Variants in DNAJB1 observed in about 807,000 individuals in gnomAD.
DNAJB1 encodes DnaJ heat shock protein family (Hsp40) member B1.
DNAJB1 carries 14 observed loss-of-function variants against 24.0 expected under a neutral mutation model. The ratio of observed to expected loss-of-function variants is 0.58; its 90% CI spans 0.39 to 0.91. The LOEUF (loss-of-function observed/expected upper bound fraction) is 0.91. DNAJB1 is among the 40% of genes least tolerant of loss of function. The pLI, the probability that DNAJB1 is intolerant of heterozygous loss-of-function variation, is 0.00. For missense variants in DNAJB1, 517 were observed against 458.1 expected, an observed-to-expected ratio of 1.13 and a Z score of -1.17; for synonymous variants, 262 against 174.4, an observed-to-expected ratio of 1.50 and a Z score of -3.96.
chr19:14,519,021 C>G (rs2072331764), upstream of DNAJB1, among the ~76,000 whole-genome samples: 1 of 152,106 alleles, frequency 6.6e-6, no homozygotes, highest in Non-Finnish European at 1.5e-5. Flanking sequence ...TCTCTTGAGC[C>G]TAGGAGTTGG....
upstream of DNAJB1, among the ~76,000 whole-genome samples, chr19:14,520,222 T>G (rs1274304994): frequency 6.6e-6 from 1 of 152,130 alleles, no homozygotes; most frequent in Non-Finnish European, 1.5e-5. Flanking sequence ...TGACTAACCA[T>G]TTTCTTAGTG....
chr19:14,552,299 G>C (rs1256009440), upstream of DNAJB1, among the ~76,000 whole-genome samples: 2 of 150,844 alleles, frequency 1.3e-5, no homozygotes, highest in African/African-American at 4.9e-5. Flanking sequence ...CTCCCAAACT[G>C]CTGGGATTAT....
chr19:14,546,562 T>G (rs1157182255), intron 1 of DNAJB1, among the ~76,000 whole-genome samples: 3 of 152,198 alleles, frequency 2.0e-5, no homozygotes, highest in Non-Finnish European at 4.4e-5. Flanking sequence ...TTCTTTTTAT[T>G]TATTTATTAC....
rs74852236 is a variant in DNAJB1, at chr19:14,545,318, C to T, written c.-214+4890G>A. 2,445 of 407,032 alleles carry T rather than the reference C, an allele frequency of 6.0e-3. 33 individuals carry two copies. The highest frequency in any genetic ancestry group is 0.029 in the African/African-American group (1,421 of 48,510). 25.2% of individuals were successfully genotyped at this position (407,032 alleles called of 1,614,324 possible). On this transcript the variant is annotated intron_variant, in intron 1 of 3. Transcript: ENST00000676982. ...GCTACCCCAGGGCCTTTGCATTCCCCGCCAGGGAGCCTCATGCTGGCCCTC... is the reference window on the plus strand; with the variant it reads ...GCTACCCCAGGGCCTTTGCATTCCCTGCCAGGGAGCCTCATGCTGGCCCTC...
chr19:14,529,118 T>C (rs1599393769), intron 1 of DNAJB1: 2 of 179,462 alleles, frequency 1.1e-5, no homozygotes, highest in East Asian at 2.8e-4. Context: ...TCTCCTCCCA[T>C]AGTGACCTCC....
intron 1 of DNAJB1, chr19:14,545,683 G>A: frequency 5.9e-6 from 1 of 170,166 alleles, no homozygotes; most frequent in Non-Finnish European, 1.3e-5. Flanking sequence ...CGTGCATGGC[G>A]AGTGCAAACT....
intron 1 of DNAJB1, among the ~76,000 whole-genome samples, chr19:14,560,006 G>T (rs114494378): frequency 6.6e-6 from 1 of 152,008 alleles, no homozygotes; most frequent in Non-Finnish European, 1.5e-5. Context: ...GGGCCCCTAG[G>T]TGCTGCCTTG....
At chr19:14,543,402 TATATATATATATATATA>T (rs1349358198) in intron 1 of DNAJB1, among the ~76,000 whole-genome samples, 68 of 9,048 alleles carry the variant, frequency 7.5e-3, no homozygotes, top group Middle Eastern at 0.083. Flanking sequence ...TATATATATA[TATATATATATATATATA>T]TTTTTTTTTT....
At chr19:14,546,393 C>T (rs182169232) in intron 1 of DNAJB1, among the ~76,000 whole-genome samples, 245 of 152,166 alleles carry the variant, frequency 1.6e-3, no homozygotes, top group Non-Finnish European at 2.8e-3. Context: ...TCAAGACCAG[C>T]CTGGTCAACA....
intron 1 of DNAJB1, among the ~76,000 whole-genome samples, chr19:14,556,408 C>CA (rs1555735939): frequency 1.4e-3 from 72 of 50,864 alleles, no homozygotes; most frequent in African/African-American, 4.6e-3. Context: ...GAGACTCTCT[C>CA]AAAAAAAAAA....
At position 14,516,454 on chromosome 19, in the gene DNAJB1, C is replaced by G; in HGVS notation, c.792+12G>C. 1 of 1,608,568 alleles carries G rather than the reference C, an allele frequency of 6.2e-7. No individual in the cohort carries two copies. Among genetic ancestry groups the G allele is most frequent in the Non-Finnish European group, 8.5e-7 (1 of 1,176,060 alleles). On this transcript the variant is annotated intron_variant, in intron 2 of 2. Coordinates refer to ENST00000254322, the MANE Select transcript of DNAJB1 (RefSeq NM_006145.3). ...TCGCCCTCTACAGACACCGCCCCAC[C>G]TGGCACCTTACCTCCCGGAGGCTGA... is the stretch of plus-strand genomic sequence containing the variant.
chr19:14,551,910 TCCCCCTCC>T (rs2073523249), upstream of DNAJB1, among the ~76,000 whole-genome samples: 1 of 140,392 alleles, frequency 7.1e-6, no homozygotes, highest in Non-Finnish European at 1.6e-5. Flanking sequence ...TCTCTCTCTC[TCCCCCTCC>T]CTCCCTCCCT....
chr19:14,551,110 C>T (rs1287130622), upstream of DNAJB1, among the ~76,000 whole-genome samples: 4 of 151,380 alleles, frequency 2.6e-5, no homozygotes, highest in African/African-American at 9.7e-5. Flanking sequence ...CTTGCTTTGT[C>T]ACCCAGGCTG....
At chr19:14,550,616 T>C (rs756463510), upstream of DNAJB1, among the ~76,000 whole-genome samples, 1 of 152,054 alleles carries the variant, frequency 6.6e-6, no homozygotes, top group Non-Finnish European at 1.5e-5. Context: ...CCTGGGGAGT[T>C]GAGTGTTTGG....
At chr19:14,529,427 C>T (rs1400052331), upstream of DNAJB1, 5 of 612,210 alleles carry the variant, frequency 8.2e-6, no homozygotes, top group Admixed American at 7.7e-5. Context: ...TACAGGCGTT[C>T]CGCCCCCTTC....
upstream of DNAJB1, chr19:14,529,682 C>T (rs768982369): frequency 1.9e-6 from 3 of 1,613,930 alleles, no homozygotes; most frequent in Non-Finnish European, 2.5e-6. Flanking sequence ...GCAGTAGCCG[C>T]CGTGGGAGGG....
chr19:14,535,543 A>AATATATATAT (rs747348455), intron 1 of DNAJB1, among the ~76,000 whole-genome samples: 34 of 32,680 alleles, frequency 1.0e-3, no homozygotes, highest in Non-Finnish European at 1.3e-3. Flanking sequence ...AAAAAAAAAA[A>AATATATATAT]ATATATATAT....
upstream of DNAJB1, among the ~76,000 whole-genome samples, chr19:14,533,371 G>C (rs2072746038): frequency 6.6e-6 from 1 of 151,778 alleles, no homozygotes; most frequent in South Asian, 2.1e-4. Context: ...AGTGAGCTGA[G>C]ATCGCACCAC....
chr19:14,518,285 C>T lies in DNAJB1; in HGVS notation c.65G>A (p.Arg22Gln). 1 of 1,610,190 alleles carries T rather than the reference C, an allele frequency of 6.2e-7. No individual in the cohort carries two copies. The highest frequency in any genetic ancestry group is 8.5e-7 in the Non-Finnish European group (1 of 1,179,176). The part of the protein sequence containing the change: ...ARGASDEEIK[R>Q]AYRRQALRYH... Reference sequence around the variant, plus strand: ...GCGCAGCGCCTGGCGGCGGTAGGCCCGCTTGATCTCCTCGTCCGACGCGCC... The same window carrying T: ...GCGCAGCGCCTGGCGGCGGTAGGCCTGCTTGATCTCCTCGTCCGACGCGCC... Residue 22 changes from arginine to glutamine, a missense_variant, in exon 1 of 3, where the codon CGG (arginine) becomes CAG (glutamine). Transcript: ENST00000254322.
Sources: gnomAD v4.1 joint callset for allele counts (sites outside exome capture counted in the v4.1 genomes callset) on GRCh38, gnomAD v4.1.1 for gene constraint, MANE v1.5 for transcripts, NCBI Gene and HGNC (gene_info 2026-07-23, HGNC 2026-07-21) for gene names.